The following RIF1 variants were observed in gnomAD, a reference collection of about 807,000 sequenced individuals.
RIF1 encodes telomere-associated protein RIF1.
RIF1 carries 45 observed loss-of-function variants against 247.1 expected under a neutral mutation model. The observed-to-expected ratio is 0.18, with a 90% CI of 0.14 to 0.23. RIF1 has a LOEUF of 0.23. RIF1 is among the 10% of genes least tolerant of loss of function. The pLI, the probability that RIF1 is intolerant of heterozygous loss-of-function variation, is 1.00. For missense variants in RIF1, 2,967 were observed against 2,862.5 expected, an observed-to-expected ratio of 1.04 and a Z score of -0.83; for synonymous variants, 1,087 against 978.8, an observed-to-expected ratio of 1.11 and a Z score of -2.06.
Position 151,476,273 on chromosome 2 carries a change from A to T in RIF1, c.*1202A>T, listed in dbSNP as rs1484138425. The T allele has an allele frequency of 6.6e-6, 1 of 152,176 alleles. No homozygotes were observed. The highest frequency in any genetic ancestry group is 1.5e-5 in the Non-Finnish European group (1 of 68,002). 9.4% of individuals were successfully genotyped at this position (152,176 alleles called of 1,614,324 possible). ...AAAAGCAAACTTGGAAGAAATTTGA[A>T]ACTGATGTTTTTAATATATGTCTGT... On this transcript the variant is annotated 3_prime_UTR_variant, in exon 36 of 36. Coordinates refer to ENST00000444746, the MANE Select transcript of RIF1 (RefSeq NM_018151.5).
chr2:151,483,614 C>G (rs946661023), downstream of RIF1, among the ~76,000 whole-genome samples: 1 of 152,124 alleles, frequency 6.6e-6, no homozygotes, highest in Non-Finnish European at 1.5e-5. Flanking sequence ...ATATTAAAAT[C>G]CCTAGTGTAA....
At position 151,479,984 on chromosome 2, in the gene RIF1, A is replaced by G. The variant is rs1360930626; in HGVS notation, c.*4913A>G. ...AAGTGTAAGTCATTGAAGTTTGAAGATCTATAAATATTTAATATAGTAGTC... is the reference window on the plus strand; with the variant it reads ...AAGTGTAAGTCATTGAAGTTTGAAGGTCTATAAATATTTAATATAGTAGTC... On this transcript the variant is annotated 3_prime_UTR_variant, in exon 36 of 36. Coordinates refer to ENST00000444746, the MANE Select transcript of RIF1 (RefSeq NM_018151.5). The G allele has an allele frequency of 6.6e-6, 1 of 152,178 alleles. No homozygotes were observed. Among genetic ancestry groups the G allele is most frequent in the Non-Finnish European group, 1.5e-5 (1 of 68,006 alleles). 9.4% of individuals were successfully genotyped at this position (152,178 alleles called of 1,614,324 possible). A position where few individuals can be genotyped will look rare whatever the true frequency, so the allele number is the denominator to read the frequency against.
the RIF1 span, chr2:151,514,767 T>C: frequency 8.1e-7 from 1 of 1,232,306 alleles, no homozygotes; most frequent in South Asian, 1.3e-5. Flanking sequence ...TGAGTGTCAC[T>C]AGTGCAATTA....
Position 151,433,161 on chromosome 2 carries a change from C to T in RIF1, c.1010C>T (p.Thr337Ile). 6.2e-7 allele frequency: 1 copy of T among 1,612,946 alleles called. No homozygotes were observed. Among genetic ancestry groups the T allele is most frequent in the Non-Finnish European group, 8.5e-7 (1 of 1,179,036 alleles). ...IHVRTETLALTKLEVWWYLLM... is the reference protein window; with the variant it reads ...IHVRTETLALIKLEVWWYLLM... ...GTGAGAACAGAAACTCTAGCATTAACAAAACTAGAAGTCTGGTGGTATTTA... is the reference window on the plus strand; with the variant it reads ...GTGAGAACAGAAACTCTAGCATTAATAAAACTAGAAGTCTGGTGGTATTTA... The change falls in exon 10 of 36, where the codon ACA becomes ATA. Residue 337 changes from threonine (T) to isoleucine (I), a missense_variant. Transcript: ENST00000444746.
At position 151,465,281 on chromosome 2, in the gene RIF1, G is replaced by T; in HGVS notation, c.5761G>T (p.Val1921Leu). ...GAAAGCAAAAACTATGGAATTGAAT[G>T]TAGGAAATGAAGCTAGCTTTCATGG... ...LEKAKTMELN[V>L]GNEASFHGQE... The change falls in exon 30 of 36, where the codon GTA becomes TTA. Residue 1921 changes from valine (V) to leucine (L), a missense_variant. Physicochemically the swap from Val to Leu is conservative, Grantham distance 32 (BLOSUM62 1). Around this residue, in one of 7 missense-constraint regions of RIF1, gnomAD observed 2,028 missense variants for 1,825.6 expected, o/e 1.11. Coordinates refer to ENST00000444746, the MANE Select transcript of RIF1 (RefSeq NM_018151.5). The T allele has an allele frequency of 6.2e-7, 1 of 1,611,996 alleles. No individual in the cohort carries two copies. The highest frequency in any genetic ancestry group is 8.5e-7 in the Non-Finnish European group (1 of 1,179,506).
intron 4 of RIF1, among the ~76,000 whole-genome samples, chr2:151,415,869 C>T (rs912890530): frequency 7.9e-5 from 12 of 151,748 alleles, no homozygotes; most frequent in African/African-American, 2.2e-4. Context: ...AGTGAAACTC[C>T]GTCTCAAAAA....
At chr2:151,416,368 A>T (rs1486209487) in intron 4 of RIF1, among the ~76,000 whole-genome samples, 193 bp from the exon 5 acceptor site, 1 of 152,184 alleles carries the variant, frequency 6.6e-6, no homozygotes, top group African/African-American at 2.4e-5. Context: ...ATTTTCTCTC[A>T]GTATATCCTC....
At chr2:151,501,434 G>C in intron 11 of RIF1, 2 of 1,547,536 alleles carry the variant, frequency 1.3e-6, no homozygotes, top group Non-Finnish European at 1.7e-6. Context: ...CTCCATCTCA[G>C]GAGTGACAGG....
chr2:151,428,941 AT>A lies in RIF1; in HGVS notation c.925+23del, dbSNP rs768922520. 3.3e-5 allele frequency: 45 copies of A among 1,382,126 alleles called. No individual in the cohort carries two copies. Among genetic ancestry groups the A allele is most frequent in the Non-Finnish European group, 4.2e-5 (42 of 991,442 alleles). 85.6% of individuals were successfully genotyped at this position (1,382,126 alleles called of 1,614,324 possible). On this transcript the variant is annotated intron_variant, in intron 9 of 35. Transcript: ENST00000444746. ...AATCCAGGTAAGTAATATTTTAACA[AT>A]TTTGATTTTCTGTGAATTTGTTTTG...
chr2:151,454,819 A>G (rs1048110583), intron 21 of RIF1, 76 bp from the exon 22 acceptor site: 10 of 1,099,348 alleles, frequency 9.1e-6, no homozygotes, highest in Admixed American at 5.7e-5. Flanking sequence ...AATGTGAGCT[A>G]TAAATTGTAA....
In RIF1 at chr2:151,463,942, A is replaced by G. The variant is rs151319999; in HGVS notation, c.4422A>G (p.Leu1474=). ...AAAAACTGATTGCTGAACAAACTCT[A>G]CAGGAGAATTTAATTGAGAAAGGAA... is the stretch of plus-strand genomic sequence containing the variant. ...PKQKLIAEQT[L]QENLIEKGSN... is the part of the protein sequence containing the mutation. The change falls in exon 30 of 36, where the codon CTA becomes CTG. Residue 1474 remains leucine (L), a synonymous_variant. Transcript: ENST00000444746. 1,251 of 1,612,176 alleles carry G rather than the reference A, an allele frequency of 7.8e-4. No individual in the cohort carries two copies. The highest frequency in any genetic ancestry group is 1.0e-3 in the Non-Finnish European group (1,175 of 1,179,532).
intron 2 of RIF1, among the ~76,000 whole-genome samples, chr2:151,410,915 C>T (rs1239160968): frequency 6.6e-6 from 1 of 152,088 alleles, no homozygotes; most frequent in Non-Finnish European, 1.5e-5. Context: ...CAAAATGCTT[C>T]AAAGTAATTT....
intron 35 of RIF1, 86 bp downstream of exon 35, chr2:151,474,158 C>T (rs1024373769): frequency 1.5e-5 from 11 of 721,418 alleles, no homozygotes; most frequent in East Asian, 5.1e-5. Flanking sequence ...TCTGATTTGA[C>T]CATGCCTTAT....
intron 11 of RIF1, chr2:151,501,538 G>GACTT: frequency 9.9e-7 from 1 of 1,014,080 alleles, no homozygotes; most frequent in East Asian, 2.9e-5. Flanking sequence ...TTTTTAGGTA[G>GACTT]ACTTAACCTA....
chr2:151,459,642 G>C (rs1263263727), intron 25 of RIF1, among the ~76,000 whole-genome samples: 1 of 152,178 alleles, frequency 6.6e-6, no homozygotes, highest in East Asian at 1.9e-4. Context: ...TTAACCCTCA[G>C]TTGTTTAATG....
At chr2:151,460,681 C>A (rs796978216) in intron 26 of RIF1, among the ~76,000 whole-genome samples, 5 of 152,292 alleles carry the variant, frequency 3.3e-5, no homozygotes, top group African/African-American at 1.2e-4. Flanking sequence ...ACCTCTGCCA[C>A]ATTCTTGTAG....
chr2:151,474,837 G>GTT lies in RIF1; in HGVS notation c.7205-11_7205-10dup, dbSNP rs747844988. On this transcript the variant is annotated intron_variant, in intron 35 of 35. Coordinates refer to ENST00000444746, the MANE Select transcript of RIF1 (RefSeq NM_018151.5). ...TTTGTCTGGTATAGATTTAATTGTG[G>GTT]TTTTTTTTTTCTCTTTTAGATATAA... 4.2e-5 allele frequency: 51 copies of GTT among 1,217,584 alleles called. No individual in the cohort carries two copies. The highest frequency in any genetic ancestry group is 5.0e-5 in the Non-Finnish European group (43 of 863,494). The allele number at this position is 1,217,584 out of a possible 1,614,324, so 75.4% of individuals were successfully genotyped here. A position where few individuals can be genotyped will look rare whatever the true frequency, so the allele number is the denominator to read the frequency against.
intron 9 of RIF1, among the ~76,000 whole-genome samples, chr2:151,488,767 T>C (rs938209877): frequency 2.6e-5 from 4 of 152,218 alleles, no homozygotes; most frequent in African/African-American, 4.8e-5. Context: ...TTTATTATTT[T>C]ACTAAATAGA....
chr2:151,421,609 T>C (rs1317131371), intron 7 of RIF1, among the ~76,000 whole-genome samples: 1 of 152,200 alleles, frequency 6.6e-6, no homozygotes, highest in East Asian at 1.9e-4. Context: ...AAGGTCTCAC[T>C]ATATTACCCA....
Sources: gnomAD v4.1 joint callset for allele counts (sites outside exome capture counted in the v4.1 genomes callset) on GRCh38, gnomAD v4.1.1 for gene constraint, gnomAD v4.1.1 regional missense constraint, MANE v1.5 for transcripts, NCBI Gene and HGNC (gene_info 2026-07-23, HGNC 2026-07-21) for gene names.